SS18: variants seen among roughly 807,000 people sequenced by gnomAD.
SS18 encodes protein SSXT.
In SS18, 28 loss-of-function variants were observed where a neutral mutation model predicts 72.5. The observed-to-expected ratio is 0.39, with a 90% CI of 0.29 to 0.53. The LOEUF is 0.53. SS18 is among the 20% of genes least tolerant of loss of function. The pLI, the probability that SS18 is intolerant of heterozygous loss-of-function variation, is 0.76. For missense variants in SS18, 518 were observed against 535.3 expected (o/e 0.97, Z 0.32); for synonymous variants, 172 against 164.2 (o/e 1.05, Z -0.37).
chr18:26,073,204 A>G (rs1354142291), intron 3 of SS18, among the ~76,000 whole-genome samples: 1 of 152,252 alleles, frequency 6.6e-6, no homozygotes, highest in Non-Finnish European at 1.5e-5. Context: ...TTTGGAAATT[A>G]AGAAATGTAT....
intron 4 of SS18, among the ~76,000 whole-genome samples, chr18:26,053,362 A>G (rs573900144): frequency 2.0e-5 from 3 of 150,654 alleles, no homozygotes; most frequent in East Asian, 3.9e-4. Context: ...AGAAAACTTA[A>G]ACATTTAAAA....
intron 4 of SS18, among the ~76,000 whole-genome samples, chr18:26,054,245 T>A (rs2143992392): frequency 6.6e-6 from 1 of 152,342 alleles, no homozygotes; most frequent in Middle Eastern, 3.4e-3. Flanking sequence ...CACTGTTGGT[T>A]AAATCCATGG....
intron 3 of SS18, among the ~76,000 whole-genome samples, chr18:26,066,341 A>G (rs1003124973): frequency 6.6e-6 from 1 of 152,068 alleles, no homozygotes; most frequent in African/African-American, 2.4e-5. Flanking sequence ...CATTCTGCCA[A>G]CTTTCATGTT....
intron 5 of SS18, among the ~76,000 whole-genome samples, chr18:26,047,007 T>C (rs977797078): frequency 2.6e-5 from 4 of 152,108 alleles, no homozygotes; most frequent in Admixed American, 2.6e-4. Flanking sequence ...GGGGAACAGG[T>C]GTTATTTAGC....
intron 5 of SS18, among the ~76,000 whole-genome samples, 188 bp downstream of exon 5, chr18:26,052,436 C>T (rs1295273238): frequency 2.6e-5 from 4 of 152,140 alleles, no homozygotes; most frequent in African/African-American, 9.7e-5. Flanking sequence ...AATAAATAAG[C>T]TTAAAAAGCT....
At chr18:26,082,592 T>A in intron 2 of SS18, 1 of 809,976 alleles carries the variant, frequency 1.2e-6, no homozygotes, top group Non-Finnish European at 1.5e-6. Context: ...ATGCTCAAAT[T>A]AAACATCACA....
At chr18:26,038,875 A>G (rs1370863736) in intron 6 of SS18, among the ~76,000 whole-genome samples, 1 of 152,190 alleles carries the variant, frequency 6.6e-6, no homozygotes, top group Non-Finnish European at 1.5e-5. Flanking sequence ...AAGACCATAC[A>G]TGCAGTATCA....
At chr18:26,051,948 A>T (rs551656614) in intron 5 of SS18, among the ~76,000 whole-genome samples, 1 of 151,496 alleles carries the variant, frequency 6.6e-6, no homozygotes, top group Admixed American at 6.6e-5. Context: ...AAATACATTT[A>T]ATTCTATCTT....
intron 3 of SS18, among the ~76,000 whole-genome samples, chr18:26,070,024 G>A (rs1188520614): frequency 6.6e-6 from 1 of 152,174 alleles, no homozygotes; most frequent in Non-Finnish European, 1.5e-5. Context: ...GGGAGGGGAT[G>A]AGGATTGAAA....
chr18:26,060,709 G>A (rs866832270), intron 3 of SS18, among the ~76,000 whole-genome samples: 13 of 132,238 alleles, frequency 9.8e-5, no homozygotes, highest in South Asian at 2.5e-4. Flanking sequence ...CAGATCACTC[G>A]AAGCCAGAAG....
chr18:26,039,608 T>G, intron 5 of SS18, 152 bp from the exon 6 acceptor site: 1 of 725,458 alleles, frequency 1.4e-6, no homozygotes, highest in Non-Finnish European at 2.0e-6. Flanking sequence ...AGTCTTTGAA[T>G]TAAAATTCAC....
intron 2 of SS18, among the ~76,000 whole-genome samples, chr18:26,083,740 T>G (rs1039123721): frequency 6.6e-6 from 1 of 152,152 alleles, no homozygotes; most frequent in Non-Finnish European, 1.5e-5. Context: ...AAAAGAGCAT[T>G]AGGTAGCGCA....
chr18:26,055,393 G>A (rs2053999611), intron 4 of SS18, among the ~76,000 whole-genome samples: 1 of 151,870 alleles, frequency 6.6e-6, no homozygotes, highest in African/African-American at 2.4e-5. Flanking sequence ...CTTGAACCCG[G>A]GAGGCAGAGG....
rs73401901 is a variant in SS18, at chr18:26,058,187, A to G, written c.232-445T>C. Among the ~76,000 whole-genome samples the G allele has an allele frequency of 4.1e-3, 624 of 152,326 alleles. 5 individuals are homozygous for G. The highest frequency in any genetic ancestry group is 0.014 in the African/African-American group (601 of 41,572). On this transcript the variant is annotated intron_variant, in intron 3 of 10. Coordinates refer to ENST00000415083, the MANE Select transcript of SS18 (RefSeq NM_001007559.3). ...TTTACACTATTTCGGGGTGGAGGAT[A>G]GTGGCAGCAGAGGAATGTTTTAAAA...
In SS18 at chr18:26,016,723, C is replaced by CAA. The variant is rs1011930626; in HGVS notation, c.*1629_*1630dup. On this transcript the variant is annotated 3_prime_UTR_variant, in exon 11 of 11. Coordinates refer to ENST00000415083, the MANE Select transcript of SS18 (RefSeq NM_001007559.3). ...GGGCGACAAGAGCAAGACTCCATCT[C>CAA]AAAAAAAAAAACAAAGAACAAAAAA... 70 of 188,782 alleles carry CAA rather than the reference C, an allele frequency of 3.7e-4. No individual in the cohort carries two copies. The highest frequency in any genetic ancestry group is 9.3e-4 in the East Asian group (11 of 11,850). 11.7% of individuals were successfully genotyped at this position (188,782 alleles called of 1,614,324 possible).
rs71169806 is a variant in SS18 at position 26,047,259 on chromosome 18, CAAAAAA to C, written c.607+5359_607+5364del. Reference sequence around the variant, plus strand: ...CTGTTACCTTTGGAAAGTAATATGCCAAAAAAAAAAAAAAAAAAAAAAAGAAGAAGA... The same window carrying C: ...CTGTTACCTTTGGAAAGTAATATGCCAAAAAAAAAAAAAAAAAGAAGAAGA... On this transcript the variant is annotated intron_variant, in intron 5 of 10. Transcript: ENST00000415083. 4.2e-4 allele frequency among the ~76,000 whole-genome samples: 32 copies of C among 75,744 alleles called. 1 individual carries two copies. Among genetic ancestry groups the C allele is most frequent in the African/African-American group, 9.5e-4 (22 of 23,210 alleles). The allele number at this position is 75,744 out of a possible 152,430, so 49.7% of individuals were successfully genotyped here. A position where few individuals can be genotyped will look rare whatever the true frequency, so the allele number is the denominator to read the frequency against.
chr18:26,044,237 T>C (rs2053780254), intron 5 of SS18, among the ~76,000 whole-genome samples: 1 of 152,194 alleles, frequency 6.6e-6, no homozygotes, highest in African/African-American at 2.4e-5. Context: ...TATAGGCTAC[T>C]ATACTTAAGT....
At position 26,052,765 on chromosome 18, in the gene SS18, T is replaced by C; in HGVS notation, c.466A>G (p.Ser156Gly). 5 of 1,614,176 alleles carry C rather than the reference T, an allele frequency of 3.1e-6. No homozygotes were observed. The highest frequency in any genetic ancestry group is 4.2e-6 in the Non-Finnish European group (5 of 1,180,004). The change falls in exon 5 of 11, where the codon AGC (serine) becomes GGC (glycine). Residue 156 changes from serine to glycine, a missense_variant. Coordinates refer to ENST00000415083, the MANE Select transcript of SS18 (RefSeq NM_001007559.3). Reference sequence around the variant, plus strand: ...TTGTAACCTCCCATGGATCCATGGCTACTTGAAGGCATATTCATGGAACTG... The same window carrying C: ...TTGTAACCTCCCATGGATCCATGGCCACTTGAAGGCATATTCATGGAACTG... The part of the protein sequence containing the change: ...TNSSMNMPSS[S>G]HGSMGGYNHS...
intron 3 of SS18, among the ~76,000 whole-genome samples, chr18:26,063,431 A>G (rs2054159812): frequency 6.6e-6 from 1 of 152,200 alleles, no homozygotes; most frequent in Non-Finnish European, 1.5e-5. Flanking sequence ...AGGCAGGACA[A>G]TGGTGTGAAC....
Sources: allele counts gnomAD v4.1 joint callset (sites outside exome capture counted in the v4.1 genomes callset), GRCh38; gene constraint gnomAD v4.1.1; transcripts MANE v1.5; gene names NCBI Gene and HGNC (gene_info 2026-07-23, HGNC 2026-07-21).